The following RALGPS1 variants were observed in gnomAD, a reference collection of about 807,000 sequenced individuals.
RALGPS1 encodes the protein Ral GEF with PH domain and SH3 binding motif 1, also known as ras-specific guanine nucleotide-releasing factor RalGPS1.
RALGPS1 carries 19 observed loss-of-function variants against 78.8 expected under a neutral mutation model. That is an observed-to-expected ratio of 0.24 (90% CI 0.17 to 0.35). RALGPS1 has a LOEUF of 0.35. Ranked by LOEUF, RALGPS1 falls within the 10% of genes least tolerant of loss-of-function variation. RALGPS1 has a pLI of 1.00. For synonymous variants in RALGPS1, 228 were observed against 256.3 expected, an observed-to-expected ratio of 0.89 and a Z score of 1.06; for missense variants, 454 against 688.3, an observed-to-expected ratio of 0.66 and a Z score of 3.81.
chr9:127,127,108 G>A (rs1359739404), intron 8 of RALGPS1, among the ~76,000 whole-genome samples: 1 of 152,090 alleles, frequency 6.6e-6, no homozygotes, highest in Non-Finnish European at 1.5e-5. Flanking sequence ...GTAATTTTGG[G>A]GCTTTCTCTT....
intron 1 of RALGPS1, among the ~76,000 whole-genome samples, chr9:126,927,584 C>G (rs1364039337): frequency 6.6e-6 from 1 of 152,154 alleles, no homozygotes; most frequent in Non-Finnish European, 1.5e-5. Flanking sequence ...CTTCAGTTAC[C>G]TTTGTTGTCG....
chr9:126,916,376 C>G (rs2034159767), intron 1 of RALGPS1, among the ~76,000 whole-genome samples: 1 of 152,200 alleles, frequency 6.6e-6, no homozygotes, highest in Non-Finnish European at 1.5e-5. Flanking sequence ...CATTTGTTTG[C>G]TGACCTTTAG....
At chr9:127,196,409 A>T (rs2061349653) in intron 12 of RALGPS1, 65 bp from the exon 13 acceptor site, 1 of 1,528,410 alleles carries the variant, frequency 6.5e-7, no homozygotes, top group Non-Finnish European at 8.9e-7. Context: ...GGCCCCAGGC[A>T]GGTGTAACCA....
chr9:127,077,821 C>T (rs1009578735), intron 8 of RALGPS1, among the ~76,000 whole-genome samples: 1 of 152,236 alleles, frequency 6.6e-6, no homozygotes, highest in African/African-American at 2.4e-5. Context: ...TGAGCCCTCC[C>T]GCTGGTCCCC....
chr9:127,177,797 C>A, intron 11 of RALGPS1: 1 of 1,539,044 alleles, frequency 6.5e-7, no homozygotes, highest in South Asian at 1.2e-5. Flanking sequence ...TCCTGGAAGT[C>A]AGCTGGGCAG....
At chr9:127,010,036 A>G (rs950609570) in intron 4 of RALGPS1, among the ~76,000 whole-genome samples, 1 of 152,120 alleles carries the variant, frequency 6.6e-6, no homozygotes, top group Non-Finnish European at 1.5e-5. Flanking sequence ...ATTTTCCCCA[A>G]GAGAGGAGCT....
intron 4 of RALGPS1, among the ~76,000 whole-genome samples, chr9:127,018,307 CT>C (rs1450750088): frequency 8.6e-4 from 91 of 105,688 alleles, no homozygotes; most frequent in African/African-American, 3.3e-3. Flanking sequence ...TTATAGTTAA[CT>C]TAAAAAAAAA....
intron 4 of RALGPS1, among the ~76,000 whole-genome samples, chr9:127,000,684 G>T (rs1802738783): frequency 6.6e-6 from 1 of 151,142 alleles, no homozygotes; most frequent in African/African-American, 2.4e-5. Context: ...GAGTAGCTGG[G>T]ATTACAGTCA....
At chr9:127,055,200 T>TTCTA (rs550106521) in intron 7 of RALGPS1, among the ~76,000 whole-genome samples, 157 of 118,706 alleles carry the variant, frequency 1.3e-3, no homozygotes, top group Middle Eastern at 3.9e-3. Context: ...TAAATGCTTT[T>TTCTA]TCTATCTATC....
At chr9:127,195,336 T>C (rs2061299330) in intron 12 of RALGPS1, 119 bp downstream of exon 12, 1 of 1,344,978 alleles carries the variant, frequency 7.4e-7, no homozygotes. Flanking sequence ...TGGGAGTTGC[T>C]GATGAGAGCT....
chr9:127,015,341 C>G (rs1041408598), intron 4 of RALGPS1, among the ~76,000 whole-genome samples: 2 of 152,166 alleles, frequency 1.3e-5, no homozygotes, highest in Non-Finnish European at 2.9e-5. Flanking sequence ...AATCATAGCC[C>G]TTCCTCAGGG....
chr9:126,964,766 A>G (rs895901699), intron 2 of RALGPS1, among the ~76,000 whole-genome samples: 1 of 152,154 alleles, frequency 6.6e-6, no homozygotes, highest in Admixed American at 6.5e-5. Context: ...TTAACCTTAC[A>G]TTTGCAGTTG....
intron 2 of RALGPS1, among the ~76,000 whole-genome samples, chr9:126,963,722 CAG>C (rs1248517121): frequency 6.6e-6 from 1 of 152,192 alleles, no homozygotes; most frequent in African/African-American, 2.4e-5. Context: ...AAGGCACAGA[CAG>C]GTGAACAAGC....
At chr9:126,989,937 A>G in intron 4 of RALGPS1, 2 of 1,550,560 alleles carry the variant, frequency 1.3e-6, no homozygotes, top group Non-Finnish European at 1.7e-6. Context: ...AGAAGTCCAC[A>G]GTTTCCTCCA....
At chr9:127,022,076 A>T (rs2045508238) in intron 4 of RALGPS1, among the ~76,000 whole-genome samples, 1 of 152,156 alleles carries the variant, frequency 6.6e-6, no homozygotes, top group African/African-American at 2.4e-5. Flanking sequence ...ATGACCTGAA[A>T]GCTGAGAAAG....
At position 126,965,921 on chromosome 9, in the gene RALGPS1, T is replaced by A. The variant is rs1327077064; in HGVS notation, c.135T>A (p.Asp45Glu). The A allele has an allele frequency of 6.2e-7, 1 of 1,614,148 alleles. No individual in the cohort carries two copies. The highest frequency in any genetic ancestry group is 1.7e-5 in the Admixed American group (1 of 60,030). ...ASKSYDAVVF[D>E]VLKVTPEEFA... ...AGAGCTATGATGCCGTTGTCTTCGATGTCTTGAAAGTGACCCCAGAGGAGT... is the reference window on the plus strand; with the variant it reads ...AGAGCTATGATGCCGTTGTCTTCGAAGTCTTGAAAGTGACCCCAGAGGAGT... Residue 45 changes from aspartate to glutamate, a missense_variant, in exon 3 of 19, where the codon GAT becomes GAA. By Grantham distance (45) the Asp-to-Glu change is conservative. Coordinates refer to ENST00000259351, the MANE Select transcript of RALGPS1 (RefSeq NM_014636.3).
intron 8 of RALGPS1, among the ~76,000 whole-genome samples, chr9:127,098,228 C>T (rs889391740): frequency 3.3e-5 from 5 of 152,126 alleles, no homozygotes; most frequent in Admixed American, 3.3e-4. Flanking sequence ...TCTTTTTTGT[C>T]AATGAAACTG....
rs2048161853 is a variant in RALGPS1 at position 127,050,025 on chromosome 9, G to C, written c.301-18G>C. 6.3e-7 allele frequency: 1 copy of C among 1,577,176 alleles called. No individual in the cohort carries two copies. The highest frequency in any genetic ancestry group is 1.1e-5 in the South Asian group (1 of 90,316). On this transcript the variant is annotated intron_variant, in intron 5 of 18. Coordinates refer to ENST00000259351, the MANE Select transcript of RALGPS1 (RefSeq NM_014636.3). ...TTCTGGTGTGTATGTGTGTATGTGT[G>C]TGTATTTGACTCTACAGGTCAGTTT...
chr9:127,163,544 G>A lies in RALGPS1; in HGVS notation c.611-2525G>A, dbSNP rs189237158. Among the ~76,000 whole-genome samples the A allele has an allele frequency of 3.8e-4, 58 of 152,272 alleles. No homozygotes were observed. In the East Asian group the frequency reaches 9.4e-3, roughly 25 times the overall value. On this transcript the variant is annotated intron_variant, in intron 8 of 18. Transcript: ENST00000259351. ...TGTTTCTGTGATTTAACAGTTTCCC[G>A]TAACAATGTGCATCTATTTTAAAAG... is the stretch of plus-strand genomic sequence containing the variant.
Sources: allele counts gnomAD v4.1 joint callset (sites outside exome capture counted in the v4.1 genomes callset), GRCh38; gene constraint gnomAD v4.1.1; transcripts MANE v1.5; gene names NCBI Gene and HGNC (gene_info 2026-07-23, HGNC 2026-07-21).